GLI2: variants seen among roughly 807,000 people sequenced by gnomAD.
The protein encoded by GLI2 is GLI family zinc finger 2, also known as transcription activator GLI2.
In GLI2, 22 loss-of-function variants were observed where a neutral mutation model predicts 78.9. The observed-to-expected ratio is 0.28, with a 90% CI of 0.20 to 0.40. The LOEUF is 0.40. GLI2 is among the 10% of genes least tolerant of loss of function. The pLI, the probability that GLI2 is intolerant of heterozygous loss-of-function variation, is 1.00. For missense variants in GLI2, 2,097 were observed against 2,213.2 expected (o/e 0.95, Z 1.05); for synonymous variants, 974 against 963.7 (o/e 1.01, Z -0.20).
intron 1 of GLI2, among the ~76,000 whole-genome samples, chr2:120,743,462 G>A (rs1682611553): frequency 6.6e-6 from 1 of 152,094 alleles, no homozygotes; most frequent in Non-Finnish European, 1.5e-5. Flanking sequence ...AATAAAAAAA[G>A]AAATCATCTT....
intron 5 of GLI2, among the ~76,000 whole-genome samples, chr2:120,967,258 C>A (rs953690380): frequency 2.6e-5 from 4 of 152,246 alleles, no homozygotes; most frequent in African/African-American, 9.6e-5. Context: ...CAGGCCCAAG[C>A]ATTTACTGTG....
intron 2 of GLI2, among the ~76,000 whole-genome samples, chr2:120,856,305 G>A (rs7574094): frequency 0.44 from 66,925 of 152,074 alleles, 15,820 homozygotes; most frequent in East Asian, 0.64. Flanking sequence ...GGCATTGGCA[G>A]CGCCTTCTGG....
At chr2:120,844,241 C>T (rs771300719) in intron 2 of GLI2, among the ~76,000 whole-genome samples, 9 of 152,190 alleles carry the variant, frequency 5.9e-5, no homozygotes, top group South Asian at 2.1e-4. Flanking sequence ...CACTGGAGCT[C>T]AAAAGCAGCA....
chr2:120,918,642 T>C (rs1467406591), intron 2 of GLI2, among the ~76,000 whole-genome samples: 1 of 152,136 alleles, frequency 6.6e-6, no homozygotes, highest in African/African-American at 2.4e-5. Context: ...GGTTTCGCCA[T>C]GTTGGCCAGG....
At chr2:120,860,265 C>T (rs1165060180) in intron 2 of GLI2, among the ~76,000 whole-genome samples, 2 of 152,196 alleles carry the variant, frequency 1.3e-5, no homozygotes, top group East Asian at 1.9e-4. Flanking sequence ...AGTACCACAG[C>T]GTGCCCTGAG....
chr2:120,908,200 A>C (rs1301750280), intron 2 of GLI2, among the ~76,000 whole-genome samples: 2 of 152,138 alleles, frequency 1.3e-5, no homozygotes, highest in African/African-American at 4.8e-5. Context: ...GTGACCCTTC[A>C]TGCCCTGGTT....
At chr2:120,980,690 G>T (rs1171074423) in intron 10 of GLI2, among the ~76,000 whole-genome samples, 2 of 151,970 alleles carry the variant, frequency 1.3e-5, no homozygotes, top group Non-Finnish European at 2.9e-5. Context: ...AGGAACCATT[G>T]CCTAATCCAA....
intron 1 of GLI2, among the ~76,000 whole-genome samples, chr2:120,772,519 G>T (rs577286428): frequency 2.6e-5 from 4 of 152,170 alleles, no homozygotes; most frequent in Admixed American, 6.5e-5. Flanking sequence ...GAGTCCCCAG[G>T]AGCACCCCGG....
chr2:120,840,056 A>C (rs1686794899), intron 2 of GLI2, among the ~76,000 whole-genome samples: 2 of 152,098 alleles, frequency 1.3e-5, no homozygotes. Flanking sequence ...ATTGATTTTT[A>C]GCCTTCCTCC....
At chr2:120,969,162 A>G (rs1236837865) in intron 6 of GLI2, among the ~76,000 whole-genome samples, 9 of 152,234 alleles carry the variant, frequency 5.9e-5, no homozygotes, top group Admixed American at 5.9e-4. Context: ...TGTGAAATCA[A>G]AGGTGTTTGA....
chr2:120,989,000 C>T lies in GLI2; in HGVS notation c.3035C>T (p.Pro1012Leu), dbSNP rs765093621. 3.8e-6 allele frequency: 6 copies of T among 1,595,596 alleles called. No homozygotes were observed. In the Admixed American group the frequency reaches 1.0e-4, roughly 27 times the overall value. ...LARGAYSPRP[P>L]SISENVAMEA... The stretch of plus-strand genomic sequence containing the variant: ...CGCGGCGCCTACTCGCCCCGGCCGC[C>T]TAGCATCAGCGAGAACGTGGCGATG... Residue 1012 changes from proline to leucine, a missense_variant, in exon 14 of 14, where the codon CCT (proline) becomes CTT (leucine). Coordinates refer to ENST00000361492, the MANE Select transcript of GLI2 (RefSeq NM_001374353.1).
At chr2:120,887,746 C>G (rs768809101) in intron 2 of GLI2, among the ~76,000 whole-genome samples, 8 of 152,134 alleles carry the variant, frequency 5.3e-5, no homozygotes, top group Admixed American at 6.5e-5. Context: ...TTGTCAGGGT[C>G]GGGGGTCTCC....
intron 2 of GLI2, among the ~76,000 whole-genome samples, chr2:120,897,554 T>G (rs1678041234): frequency 6.6e-6 from 1 of 152,212 alleles, no homozygotes; most frequent in Non-Finnish European, 1.5e-5. Context: ...GCCAGGGGAT[T>G]GATTCTGTTG....
At chr2:120,780,000 T>C (rs1037689291) in intron 1 of GLI2, among the ~76,000 whole-genome samples, 2 of 152,182 alleles carry the variant, frequency 1.3e-5, no homozygotes, top group African/African-American at 4.8e-5. Flanking sequence ...CGCATTCTTT[T>C]TCAGCCCCGT....
chr2:120,857,249 G>A (rs987659362), intron 2 of GLI2, among the ~76,000 whole-genome samples: 1 of 152,032 alleles, frequency 6.6e-6, no homozygotes, highest in Non-Finnish European at 1.5e-5. Context: ...GATGACAGGA[G>A]GAAATATCCT....
intron 5 of GLI2, among the ~76,000 whole-genome samples, chr2:120,962,616 G>A (rs936642192): frequency 3.7e-4 from 57 of 152,182 alleles, no homozygotes; most frequent in African/African-American, 1.3e-3. Flanking sequence ...TAAAACAGGC[G>A]CCTCCACAGA....
intron 2 of GLI2, among the ~76,000 whole-genome samples, chr2:120,804,760 G>T (rs975161529): frequency 6.6e-6 from 1 of 152,210 alleles, no homozygotes; most frequent in Non-Finnish European, 1.5e-5. Context: ...CACCCAGGAA[G>T]CGGGGTGCAG....
intron 2 of GLI2, among the ~76,000 whole-genome samples, chr2:120,873,030 G>T (rs1021870770): frequency 1.7e-4 from 26 of 152,186 alleles, no homozygotes; most frequent in Admixed American, 1.7e-3. Context: ...CTTCTGTGTT[G>T]TATATAGTGT....
intron 2 of GLI2, among the ~76,000 whole-genome samples, chr2:120,891,290 G>C (rs1573547625): frequency 1.3e-5 from 2 of 152,278 alleles, no homozygotes; most frequent in African/African-American, 4.8e-5. Flanking sequence ...TGTTGAACAA[G>C]TGGGTGTAGG....
Sources: gnomAD v4.1 joint callset for allele counts (sites outside exome capture counted in the v4.1 genomes callset) on GRCh38, gnomAD v4.1.1 for gene constraint, MANE v1.5 for transcripts, NCBI Gene and HGNC (gene_info 2026-07-23, HGNC 2026-07-21) for gene names.